Variants in VGLL4 observed in about 807,000 individuals in gnomAD.
VGLL4 encodes the protein vestigial like family member 4.
Under a neutral mutation model 21.0 loss-of-function variants are expected in VGLL4, and 7 were observed. The ratio of observed to expected loss-of-function variants is 0.33; its 90% CI spans 0.19 to 0.63. VGLL4 has a LOEUF of 0.63. VGLL4 is among the 20% of genes least tolerant of loss of function. VGLL4 has a pLI of 0.78. For synonymous variants in VGLL4, 222 were observed against 173.2 expected, an observed-to-expected ratio of 1.28 and a Z score of -2.21; for missense variants, 394 against 425.7, an observed-to-expected ratio of 0.93 and a Z score of 0.66.
At chr3:11,559,744 T>C (rs1032562578) in intron 3 of VGLL4, among the ~76,000 whole-genome samples, 30 of 152,140 alleles carry the variant, frequency 2.0e-4, no homozygotes, top group African/African-American at 7.2e-4. Flanking sequence ...CTCAAATCTG[T>C]TAAGACAAAC....
In VGLL4 at chr3:11,558,822, T is replaced by C. The variant is rs1156455648; in HGVS notation, c.625A>G (p.Thr209Ala). The change falls in exon 5 of 5, where the codon ACC becomes GCC. Residue 209 changes from threonine to alanine, a missense_variant. Thr to Ala is a moderately conservative substitution (Grantham distance 58, BLOSUM62 0). Coordinates refer to ENST00000430365, the MANE Select transcript of VGLL4 (RefSeq NM_001128219.3). Reference sequence around the variant, plus strand: ...TCCTCCACCACGGGGTCACAGGTGGTGGCAGCTGCAGGCAAGCAGGAAGGC... The same window carrying C: ...TCCTCCACCACGGGGTCACAGGTGGCGGCAGCTGCAGGCAAGCAGGAAGGC... ...ASYRRPPSAA[T>A]TCDPVVEEHF... The C allele has an allele frequency of 5.6e-6, 9 of 1,610,386 alleles. No homozygotes were observed. Among genetic ancestry groups the C allele is most frequent in the Non-Finnish European group, 7.6e-6 (9 of 1,177,504 alleles).
intron 2 of VGLL4, among the ~76,000 whole-genome samples, chr3:11,674,085 G>A (rs2076256143): frequency 6.6e-6 from 1 of 150,488 alleles, no homozygotes; most frequent in Non-Finnish European, 1.5e-5. Flanking sequence ...AAAGCCAGAA[G>A]GCAATGGAGC....
intron 1 of VGLL4, among the ~76,000 whole-genome samples, chr3:11,614,579 A>G (rs918537104): frequency 4.6e-5 from 7 of 152,256 alleles, no homozygotes; most frequent in Admixed American, 4.6e-4. Flanking sequence ...GACGAGACAC[A>G]TTCCCAAGTC....
chr3:11,671,299 A>G, intron 2 of VGLL4: 2 of 1,585,742 alleles, frequency 1.3e-6, no homozygotes, highest in Non-Finnish European at 1.7e-6. Flanking sequence ...TTTTGAGTGC[A>G]CAGGACTCAG....
In VGLL4 at chr3:11,564,856, G is replaced by A. The variant is rs2073384287; in HGVS notation, c.436C>T (p.Leu146=). ...EQPLALTKNS[L]DASRPAGLSP... ...AGGCCGGCTGGCCTGCTGGCGTCCAGGCTGTTCTTGGTCAGTGCGAGGGGC... is the reference window on the plus strand; with the variant it reads ...AGGCCGGCTGGCCTGCTGGCGTCCAAGCTGTTCTTGGTCAGTGCGAGGGGC... The change falls in exon 3 of 5, where the codon CTG becomes TTG. Residue 146 remains leucine, a synonymous_variant. Transcript: ENST00000430365. 1.2e-6 allele frequency: 2 copies of A among 1,607,734 alleles called. No homozygotes were observed. Among genetic ancestry groups the A allele is most frequent in the Non-Finnish European group, 1.7e-6 (2 of 1,178,166 alleles).
chr3:11,694,421 G>A (rs2125396345), intron 2 of VGLL4, among the ~76,000 whole-genome samples: 1 of 152,262 alleles, frequency 6.6e-6, no homozygotes, highest in African/African-American at 2.4e-5. Context: ...AGGAGTTCAA[G>A]ACCACCCTGG....
exon 2 of VGLL4, chr3:11,702,978 G>T (rs368803680): frequency 3.1e-6 from 5 of 1,610,686 alleles, no homozygotes; most frequent in African/African-American, 1.3e-5. Flanking sequence ...TACGTTTTTC[G>T]TCATCAGCAT....
At chr3:11,574,779 C>CTG (rs972259363) in intron 2 of VGLL4, among the ~76,000 whole-genome samples, 1 of 121,868 alleles carries the variant, frequency 8.2e-6, no homozygotes, top group African/African-American at 3.1e-5. Flanking sequence ...GTCAATTCAA[C>CTG]TATATATGTG....
Position 11,684,192 on chromosome 3 carries a change from G to C in VGLL4, c.64+18779C>G, listed in dbSNP as rs1285142857. 2.6e-5 allele frequency among the ~76,000 whole-genome samples: 4 copies of C among 152,010 alleles called. No individual in the cohort carries two copies. In the East Asian group the frequency reaches 5.8e-4, roughly 22 times the overall value. On this transcript the variant is annotated intron_variant, in intron 2 of 5. Coordinates refer to the VGLL4 transcript ENST00000273038. ...CACCACTGCACTCCAGTCAGGGTGAGAGTGAGACCCTGTCACAAAGAAAAA... is the reference window on the plus strand; with the variant it reads ...CACCACTGCACTCCAGTCAGGGTGACAGTGAGACCCTGTCACAAAGAAAAA...
At chr3:11,686,483 G>A (rs9855243) in intron 2 of VGLL4, among the ~76,000 whole-genome samples, 77,140 of 151,942 alleles carry the variant, frequency 0.51, 20,492 homozygotes, top group Non-Finnish European at 0.6. Context: ...ACAGTGGAGC[G>A]GTGGTTGCCA....
intron 2 of VGLL4, among the ~76,000 whole-genome samples, chr3:11,667,664 C>T (rs897149794): frequency 2.6e-5 from 4 of 152,020 alleles, no homozygotes; most frequent in African/African-American, 4.8e-5. Flanking sequence ...CCATGGAAAG[C>T]GACCAAACAT....
intron 1 of VGLL4, among the ~76,000 whole-genome samples, chr3:11,709,822 T>C (rs1244479957): frequency 6.6e-6 from 1 of 152,212 alleles, no homozygotes; most frequent in Non-Finnish European, 1.5e-5. Context: ...CTGTCCCTTT[T>C]TAGTCAACAA....
intron 2 of VGLL4, among the ~76,000 whole-genome samples, chr3:11,590,471 G>A (rs2125242785): frequency 6.6e-6 from 1 of 152,274 alleles, no homozygotes; most frequent in East Asian, 1.9e-4. Flanking sequence ...GGAGGAGAGG[G>A]CAGTAGCAAC....
chr3:11,647,917 A>T (rs2075816343), upstream of VGLL4, among the ~76,000 whole-genome samples: 1 of 152,060 alleles, frequency 6.6e-6, no homozygotes, highest in East Asian at 1.9e-4. Flanking sequence ...TCTCTTGGAG[A>T]CCACAGGTCC....
chr3:11,573,332 AAAGAAAGAAAGAAAGAAAGAAAGAAAG>A (rs2073918416), intron 2 of VGLL4, among the ~76,000 whole-genome samples: 1 of 61,488 alleles, frequency 1.6e-5, no homozygotes, highest in East Asian at 5.7e-4. Flanking sequence ...AGAAAGAAAG[AAAGAAAGAAAGAAAGAAAGAAAGAAAG>A]AAAGAAAGAA....
At position 11,643,408 on chromosome 3, in the gene VGLL4, G is replaced by A. The variant is rs372841005; in HGVS notation, c.82+29C>T. On this transcript the variant is annotated intron_variant, in intron 1 of 4. Coordinates refer to ENST00000430365, the MANE Select transcript of VGLL4 (RefSeq NM_001128219.3). ...AGGAGGAGTGGCCGGGACGAGCAAC[G>A]GGCAGTAATTCTACAACGGGACATC... 1.8e-5 allele frequency: 29 copies of A among 1,613,920 alleles called. No homozygotes were observed. The African/African-American group carries it at 3.1e-4, about 17-fold the overall frequency.
intron 1 of VGLL4, among the ~76,000 whole-genome samples, chr3:11,638,930 C>T (rs2075637084): frequency 1.3e-5 from 2 of 152,108 alleles, no homozygotes; most frequent in East Asian, 1.9e-4. Context: ...AAAAGTTGCC[C>T]GTGATGAAAC....
intron 2 of VGLL4, among the ~76,000 whole-genome samples, chr3:11,581,106 G>A (rs952296488): frequency 5.5e-5 from 8 of 144,164 alleles, no homozygotes; most frequent in Non-Finnish European, 1.0e-4. Flanking sequence ...TTTCTCTGTC[G>A]CCCTGGCTGG....
rs1575386740 is a variant in VGLL4 at position 11,568,884 on chromosome 3, C to CG, written c.273-3866dup. On this transcript the variant is annotated intron_variant, in intron 2 of 4. Transcript: ENST00000430365. This position sits in a 1 kb window ranked among gnomAD's most constrained non-coding sequence, Gnocchi z 5.9. ...AGAGCCGCTGAGGCTGCACGGCACC[C>CG]GGCCCCGCCCCGGGCCTCATCCCCA... The CG allele has an allele frequency of 1.5e-6, 2 of 1,332,084 alleles. No homozygotes were observed. The highest frequency in any genetic ancestry group is 3.0e-5 in the African/African-American group (2 of 67,042). The allele number at this position is 1,332,084 out of a possible 1,614,324, so 82.5% of individuals were successfully genotyped here.
Sources: allele counts gnomAD v4.1 joint callset (sites outside exome capture counted in the v4.1 genomes callset), GRCh38; gene constraint gnomAD v4.1.1; non-coding constraint Gnocchi (gnomAD v3.1); transcripts MANE v1.5; gene names NCBI Gene and HGNC (gene_info 2026-07-23, HGNC 2026-07-21).